PPP1R13B: variants seen among roughly 807,000 people sequenced by gnomAD.
The protein encoded by PPP1R13B is apoptosis-stimulating of p53 protein 1.
PPP1R13B carries 44 observed loss-of-function variants against 119.8 expected under a neutral mutation model. The observed-to-expected ratio is 0.37, with a 90% CI of 0.29 to 0.47. PPP1R13B has a LOEUF of 0.47. Ranked by LOEUF, PPP1R13B falls within the 20% of genes least tolerant of loss-of-function variation. PPP1R13B has a pLI of 0.99. For missense variants in PPP1R13B, 1,227 were observed against 1,413.5 expected (o/e 0.87, Z 2.12); for synonymous variants, 542 against 561.5 (o/e 0.97, Z 0.49).
At chr14:103,735,882 G>T in intron 16 of PPP1R13B, 121 bp downstream of exon 16, 1 of 1,125,628 alleles carries the variant, frequency 8.9e-7, no homozygotes, top group Non-Finnish European at 1.3e-6. Flanking sequence ...CCCCTCTACA[G>T]AGGGGGCTGC....
At chr14:103,813,281 G>A (rs762501960) in intron 1 of PPP1R13B, among the ~76,000 whole-genome samples, 8 of 150,436 alleles carry the variant, frequency 5.3e-5, no homozygotes, top group South Asian at 2.1e-4. Context: ...GTACTTTCAC[G>A]TCCCCACCGT....
At chr14:103,766,397 C>T (rs779596537) in intron 4 of PPP1R13B, among the ~76,000 whole-genome samples, 2 of 152,138 alleles carry the variant, frequency 1.3e-5, no homozygotes, top group Admixed American at 6.5e-5. Flanking sequence ...GCTTAAGTGT[C>T]AGGTCAGTAG....
intron 2 of PPP1R13B, among the ~76,000 whole-genome samples, chr14:103,786,601 C>T (rs866615322): frequency 4.0e-5 from 6 of 151,662 alleles, no homozygotes; most frequent in South Asian, 2.1e-4. Context: ...CCTGTCTCTA[C>T]TAAAAATACA....
intron 1 of PPP1R13B, among the ~76,000 whole-genome samples, chr14:103,820,001 G>A (rs1409508659): frequency 6.6e-6 from 1 of 152,198 alleles, no homozygotes; most frequent in East Asian, 1.9e-4. Flanking sequence ...TCCTAAGCCT[G>A]CACTTATTCC....
intron 3 of PPP1R13B, among the ~76,000 whole-genome samples, chr14:103,781,739 C>CAAG (rs1351919926): frequency 6.6e-6 from 1 of 152,174 alleles, no homozygotes; most frequent in African/African-American, 2.4e-5. Flanking sequence ...GCAAGCTCTG[C>CAAG]CTCCCGGGTT....
At chr14:103,736,323 G>T in intron 15 of PPP1R13B, 121 bp from the exon 16 acceptor site, 1 of 1,025,290 alleles carries the variant, frequency 9.8e-7, no homozygotes, top group Non-Finnish European at 1.5e-6. Flanking sequence ...CCCCACAGAG[G>T]CCAGCGAGGG....
rs2085787643 is a variant in PPP1R13B, at chr14:103,797,503, A to G, written c.25T>C (p.Phe9Leu). Residue 9 changes from phenylalanine (F) to leucine (L), a missense_variant, in exon 2 of 17, where the codon TTC (phenylalanine) becomes CTC (leucine). By Grantham distance (22) the Phe-to-Leu change is conservative. Coordinates refer to ENST00000202556, the MANE Select transcript of PPP1R13B (RefSeq NM_015316.3). The stretch of plus-strand genomic sequence containing the variant: ...AAAATCTGTTCATTGTTGCTCAAGA[A>G]AACAGTTAATATCATCTGTAAGACA... MMPMILTV[F>L]LSNNEQILTE... The G allele has an allele frequency of 1.9e-6, 3 of 1,612,476 alleles. No homozygotes were observed. The highest frequency in any genetic ancestry group is 2.5e-6 in the Non-Finnish European group (3 of 1,178,692).
intron 5 of PPP1R13B, among the ~76,000 whole-genome samples, chr14:103,755,986 A>C (rs1289375230): frequency 6.6e-6 from 1 of 152,244 alleles, no homozygotes; most frequent in East Asian, 1.9e-4. Context: ...TTAAAAAATC[A>C]GATTGGACAT....
chr14:103,754,609 T>C (rs1036391676), intron 5 of PPP1R13B, among the ~76,000 whole-genome samples: 2 of 148,280 alleles, frequency 1.3e-5, no homozygotes, highest in East Asian at 3.9e-4. Flanking sequence ...ATTACTTTTA[T>C]ATACTCAAAA....
At chr14:103,787,746 G>A (rs1243987257) in intron 2 of PPP1R13B, among the ~76,000 whole-genome samples, 2 of 148,684 alleles carry the variant, frequency 1.3e-5, no homozygotes, top group South Asian at 2.2e-4. Flanking sequence ...TCCACCTCCC[G>A]GGTTTTACGC....
chr14:103,794,793 C>T (rs960279298), intron 2 of PPP1R13B: 25 of 277,186 alleles, frequency 9.0e-5, no homozygotes, highest in African/African-American at 3.8e-4. Context: ...GATCCAGCTT[C>T]GTTGGCCATT....
Position 103,734,824 on chromosome 14 carries a change from A to G in PPP1R13B, c.*330T>C. ...GTGATGGCCTCGGGGCCAAGTCAGTAAGAGCTTCTGTCTTCACTGGCAACC... is the reference window on the plus strand; with the variant it reads ...GTGATGGCCTCGGGGCCAAGTCAGTGAGAGCTTCTGTCTTCACTGGCAACC... On this transcript the variant is annotated 3_prime_UTR_variant, in exon 17 of 17. Coordinates refer to ENST00000202556, the MANE Select transcript of PPP1R13B (RefSeq NM_015316.3). The G allele has an allele frequency of 2.1e-6, 1 of 466,184 alleles. No homozygotes were observed. The highest frequency in any genetic ancestry group is 1.7e-5 in the South Asian group (1 of 57,750). 28.9% of individuals were successfully genotyped at this position (466,184 alleles called of 1,614,324 possible).
At chr14:103,835,477 C>A (rs528407406) in intron 1 of PPP1R13B, among the ~76,000 whole-genome samples, 4 of 149,080 alleles carry the variant, frequency 2.7e-5, no homozygotes, top group African/African-American at 5.0e-5. Flanking sequence ...GTTGCCCAGA[C>A]TGAAGTACAG....
At chr14:103,787,650 A>ATTTT (rs751638213) in intron 2 of PPP1R13B, among the ~76,000 whole-genome samples, 5 of 113,632 alleles carry the variant, frequency 4.4e-5, no homozygotes, top group Non-Finnish European at 8.9e-5. Flanking sequence ...TAATTGCTAC[A>ATTTT]TTTTTTTTTT....
intron 5 of PPP1R13B, among the ~76,000 whole-genome samples, chr14:103,755,669 ATTAAC>A (rs2084660793): frequency 1.3e-5 from 2 of 152,232 alleles, no homozygotes; most frequent in African/African-American, 4.8e-5. Flanking sequence ...AAGATGTAGC[ATTAAC>A]TTGTGATTCA....
chr14:103,823,129 G>A (rs1338772147), intron 1 of PPP1R13B, among the ~76,000 whole-genome samples: 1 of 151,978 alleles, frequency 6.6e-6, no homozygotes, highest in Non-Finnish European at 1.5e-5. Flanking sequence ...ATGAGGTCAG[G>A]AGATCGAGAC....
intron 1 of PPP1R13B, among the ~76,000 whole-genome samples, chr14:103,801,466 G>A (rs2085899351): frequency 6.6e-6 from 1 of 152,060 alleles, no homozygotes; most frequent in Admixed American, 6.6e-5. Flanking sequence ...CCGTCCCTCT[G>A]CCCAAGTACC....
chr14:103,848,478 C>A (rs2087127253), upstream of PPP1R13B: 1 of 985,372 alleles, frequency 1.0e-6, no homozygotes, highest in South Asian at 4.7e-5. Flanking sequence ...CTCGGGGCCC[C>A]CCACATGGTG....
intron 3 of PPP1R13B, among the ~76,000 whole-genome samples, chr14:103,782,601 G>T (rs11160760): frequency 0.45 from 67,802 of 152,030 alleles, 15,623 homozygotes; most frequent in African/African-American, 0.56. Context: ...TGCAGAAGAC[G>T]GCCTGTTTCT....
Sources: allele counts gnomAD v4.1 joint callset (sites outside exome capture counted in the v4.1 genomes callset), GRCh38; gene constraint gnomAD v4.1.1; transcripts MANE v1.5; gene names NCBI Gene and HGNC (gene_info 2026-07-23, HGNC 2026-07-21).